Variants in GRIN2A observed in about 807,000 individuals in gnomAD.
The protein encoded by GRIN2A is glutamate ionotropic receptor NMDA type subunit 2A, also known as glutamate receptor ionotropic, NMDA 2A.
In GRIN2A, 22 loss-of-function variants were observed where a neutral mutation model predicts 113.4. That is an observed-to-expected ratio of 0.19 (90% CI 0.14 to 0.28). The LOEUF (loss-of-function observed/expected upper bound fraction) is 0.28. Ranked by LOEUF, GRIN2A falls within the 10% of genes least tolerant of loss-of-function variation. GRIN2A has a pLI of 1.00. For missense variants in GRIN2A, 1,502 were observed against 1,887.0 expected (o/e 0.80, Z 3.78); for synonymous variants, 827 against 738.4 (o/e 1.12, Z -1.94).
intron 2 of GRIN2A, among the ~76,000 whole-genome samples, chr16:10,102,443 C>A (rs990396710): frequency 6.6e-6 from 1 of 152,238 alleles, no homozygotes; most frequent in African/African-American, 2.4e-5. Context: ...GAAGCCAGCA[C>A]CATGCTTCCT....
chr16:9,910,209 T>C (rs998308056), intron 3 of GRIN2A, among the ~76,000 whole-genome samples: 8 of 151,902 alleles, frequency 5.3e-5, no homozygotes, highest in African/African-American at 1.5e-4. Context: ...TATTTTTAAT[T>C]TGGGGAGGTA....
intron 2 of GRIN2A, among the ~76,000 whole-genome samples, chr16:9,953,820 T>C (rs1030355064): frequency 2.0e-5 from 3 of 152,226 alleles, no homozygotes; most frequent in Admixed American, 6.5e-5. Context: ...CAGTGAGATG[T>C]TCACCTGGGA....
intron 2 of GRIN2A, among the ~76,000 whole-genome samples, chr16:10,007,222 T>C (rs745431622): frequency 8.5e-5 from 13 of 152,224 alleles, no homozygotes; most frequent in Non-Finnish European, 1.8e-4. Context: ...TTATCCATAG[T>C]GGCTGTATTA....
intron 11 of GRIN2A, among the ~76,000 whole-genome samples, chr16:9,773,226 G>C (rs1055998004): frequency 1.3e-5 from 2 of 152,164 alleles, no homozygotes; most frequent in African/African-American, 2.4e-5. Flanking sequence ...CTTAAACTGG[G>C]CAGCATTGCA....
intron 2 of GRIN2A, among the ~76,000 whole-genome samples, chr16:10,140,266 C>T (rs1477184476): frequency 6.6e-6 from 1 of 151,574 alleles, no homozygotes; most frequent in Admixed American, 6.6e-5. Context: ...TTTGTTTTGC[C>T]GGCAAAACAC....
At chr16:9,897,060 A>T (rs1424828924) in intron 3 of GRIN2A, among the ~76,000 whole-genome samples, 1 of 152,208 alleles carries the variant, frequency 6.6e-6, no homozygotes, top group Non-Finnish European at 1.5e-5. Context: ...AGCAATAAGT[A>T]CACAGAAGCA....
chr16:10,017,071 C>G (rs2046624138), intron 2 of GRIN2A, among the ~76,000 whole-genome samples: 1 of 152,194 alleles, frequency 6.6e-6, no homozygotes, highest in African/African-American at 2.4e-5. Flanking sequence ...GAAGAGCATG[C>G]TGCTACTGGG....
intron 11 of GRIN2A, among the ~76,000 whole-genome samples, chr16:9,793,882 G>A (rs991530633): frequency 3.3e-5 from 5 of 151,936 alleles, no homozygotes; most frequent in Admixed American, 2.0e-4. Context: ...TACTAGAAAC[G>A]TTTCGATTTT....
At chr16:10,138,545 G>T (rs146082962) in intron 2 of GRIN2A, among the ~76,000 whole-genome samples, 1 of 152,004 alleles carries the variant, frequency 6.6e-6, no homozygotes, top group Non-Finnish European at 1.5e-5. Context: ...GGGAAAATCC[G>T]CCCCCGTTAT....
chr16:10,025,779 G>A (rs538280133), intron 2 of GRIN2A, among the ~76,000 whole-genome samples: 1 of 152,240 alleles, frequency 6.6e-6, no homozygotes, highest in Admixed American at 6.5e-5. Context: ...AGACAGGCAG[G>A]CTAGGGGATG....
chr16:10,155,387 C>T (rs2049667889), intron 2 of GRIN2A, among the ~76,000 whole-genome samples: 1 of 152,160 alleles, frequency 6.6e-6, no homozygotes, highest in Non-Finnish European at 1.5e-5. Flanking sequence ...CCAGGAGACC[C>T]ATGGGACTGG....
At chr16:10,126,091 T>C (rs1322558952) in intron 2 of GRIN2A, among the ~76,000 whole-genome samples, 1 of 152,166 alleles carries the variant, frequency 6.6e-6, no homozygotes, top group Non-Finnish European at 1.5e-5. Context: ...TCATTTTGCT[T>C]TTCTTAATTA....
At chr16:10,052,901 A>G (rs1361253932) in intron 2 of GRIN2A, among the ~76,000 whole-genome samples, 1 of 151,926 alleles carries the variant, frequency 6.6e-6, no homozygotes, top group Non-Finnish European at 1.5e-5. Context: ...TACAACAATT[A>G]CCCAGGCACA....
intron 4 of GRIN2A, among the ~76,000 whole-genome samples, chr16:9,869,635 C>T (rs2043221401): frequency 6.6e-6 from 1 of 152,190 alleles, no homozygotes; most frequent in Non-Finnish European, 1.5e-5. Flanking sequence ...ACTAACTTTA[C>T]TTCTTGGACA....
chr16:10,023,514 G>A (rs2046763136), intron 2 of GRIN2A, among the ~76,000 whole-genome samples: 3 of 152,100 alleles, frequency 2.0e-5, no homozygotes, highest in South Asian at 4.1e-4. Flanking sequence ...ATCAGGATTC[G>A]AACACCAATA....
chr16:9,836,290 G>C (rs868712022), intron 7 of GRIN2A, among the ~76,000 whole-genome samples: 1 of 152,202 alleles, frequency 6.6e-6, no homozygotes, highest in South Asian at 2.1e-4. Context: ...CAGGATTAAA[G>C]CCAGAAATAC....
chr16:9,786,775 AACTG>A (rs1218825352), intron 11 of GRIN2A, among the ~76,000 whole-genome samples: 38 of 152,324 alleles, frequency 2.5e-4, no homozygotes, highest in South Asian at 1.5e-3. Flanking sequence ...CACCTTACTT[AACTG>A]ACCTGTGACT....
intron 4 of GRIN2A, among the ~76,000 whole-genome samples, chr16:9,879,641 A>G (rs1057356138): frequency 1.4e-4 from 21 of 152,208 alleles, no homozygotes; most frequent in African/African-American, 4.8e-4. Context: ...AGTGTAGCTC[A>G]TGTCTAAGAG....
chr16:9,997,913 T>C (rs1193948516), intron 2 of GRIN2A, among the ~76,000 whole-genome samples: 1 of 152,230 alleles, frequency 6.6e-6, no homozygotes. Context: ...TCCCCAGCCA[T>C]GTGGAAATGT....
Sources: gnomAD v4.1 joint callset for allele counts (sites outside exome capture counted in the v4.1 genomes callset) on GRCh38, gnomAD v4.1.1 for gene constraint, MANE v1.5 for transcripts, NCBI Gene and HGNC (gene_info 2026-07-23, HGNC 2026-07-21) for gene names.